The following SEMA4D variants were observed in gnomAD, a reference collection of about 807,000 sequenced individuals.
SEMA4D encodes semaphorin-4D.
SEMA4D carries 22 observed loss-of-function variants against 74.8 expected under a neutral mutation model. That is an observed-to-expected ratio of 0.29 (90% CI 0.21 to 0.42). The LOEUF is 0.42. SEMA4D is among the 10% of genes least tolerant of loss of function. The pLI is 1.00. For synonymous variants in SEMA4D, 445 were observed against 463.7 expected, an observed-to-expected ratio of 0.96 and a Z score of 0.52; for missense variants, 937 against 1,118.4, an observed-to-expected ratio of 0.84 and a Z score of 2.31.
chr9:89,479,162 G>T (rs1862536995), intron 1 of SEMA4D, among the ~76,000 whole-genome samples: 1 of 152,130 alleles, frequency 6.6e-6, no homozygotes, highest in African/African-American at 2.4e-5. Context: ...GGCATCACAG[G>T]GCTCCCAGAG....
At chr9:89,475,120 A>T (rs540650910) in intron 1 of SEMA4D, among the ~76,000 whole-genome samples, 3 of 152,324 alleles carry the variant, frequency 2.0e-5, no homozygotes, top group African/African-American at 7.2e-5. Context: ...GAACCTGCAG[A>T]ACCTGCAGCT....
intron 2 of SEMA4D, among the ~76,000 whole-genome samples, chr9:89,454,522 C>T (rs906956703): frequency 2.0e-5 from 3 of 152,206 alleles, no homozygotes; most frequent in African/African-American, 7.2e-5. Flanking sequence ...AACAGAGCAG[C>T]TTCTTCTGAT....
intron 1 of SEMA4D, among the ~76,000 whole-genome samples, chr9:89,486,878 A>G (rs138385825): frequency 1.6e-4 from 25 of 152,260 alleles, no homozygotes; most frequent in Admixed American, 1.5e-3. Context: ...TGATTGTACC[A>G]CTGCACTCCA....
At chr9:89,491,718 C>A (rs960679894) in intron 1 of SEMA4D, among the ~76,000 whole-genome samples, 3 of 152,178 alleles carry the variant, frequency 2.0e-5, no homozygotes, top group African/African-American at 7.2e-5. Context: ...ATTCCTCCAG[C>A]GTTCAGTCCA....
At chr9:89,452,946 T>C (rs897374504) in intron 2 of SEMA4D, among the ~76,000 whole-genome samples, 20 of 152,298 alleles carry the variant, frequency 1.3e-4, no homozygotes, top group African/African-American at 4.3e-4. Context: ...TCTTGGGTGT[T>C]TTCCAGGTAA....
intron 1 of SEMA4D, among the ~76,000 whole-genome samples, chr9:89,467,436 C>G (rs755318498): frequency 6.0e-5 from 9 of 150,134 alleles, no homozygotes; most frequent in Non-Finnish European, 1.2e-4. Context: ...TGATTTCATT[C>G]TCCTCCTTTG....
At chr9:89,423,976 C>A (rs559851329) in intron 2 of SEMA4D, among the ~76,000 whole-genome samples, 17 of 145,402 alleles carry the variant, frequency 1.2e-4, no homozygotes, top group Non-Finnish European at 2.4e-4. Flanking sequence ...GCACCTCCAC[C>A]CCCTCAGCTA....
intron 2 of SEMA4D, among the ~76,000 whole-genome samples, chr9:89,442,189 G>A (rs1419095935): frequency 1.4e-5 from 2 of 139,448 alleles, no homozygotes; most frequent in Admixed American, 7.0e-5. Flanking sequence ...TTGCTGCGCC[G>A]TACGGCCCAG....
chr9:89,371,918 G>GTC (rs1834985532), intron 16 of SEMA4D, among the ~76,000 whole-genome samples: 1 of 103,830 alleles, frequency 9.6e-6, no homozygotes. Context: ...TGTGGTGTGT[G>GTC]GGGTGTGGTG....
chr9:89,482,042 G>A (rs764763553), intron 1 of SEMA4D, among the ~76,000 whole-genome samples: 1 of 152,252 alleles, frequency 6.6e-6, no homozygotes, highest in Non-Finnish European at 1.5e-5. Context: ...GGCAGGGAGA[G>A]GGGTCACCGC....
exon 19 of SEMA4D, chr9:89,361,546 CT>C (rs1832766295): frequency 6.6e-6 from 1 of 152,182 alleles, no homozygotes; most frequent in Non-Finnish European, 1.5e-5. Context: ...AGAGATACAG[CT>C]TTAATAATTA....
At chr9:89,451,494 C>T (rs1441169714) in intron 2 of SEMA4D, among the ~76,000 whole-genome samples, 1 of 152,204 alleles carries the variant, frequency 6.6e-6, no homozygotes, top group Non-Finnish European at 1.5e-5. Context: ...GAGCTGGAAG[C>T]TCAACTGGAT....
At chr9:89,362,790 C>G (rs1832898348) in intron 18 of SEMA4D, among the ~76,000 whole-genome samples, 1 of 152,066 alleles carries the variant, frequency 6.6e-6, no homozygotes, top group South Asian at 2.1e-4. Flanking sequence ...CTTTAATGCA[C>G]TCATTTGAGT....
At chr9:89,373,380 G>A (rs1345119853), downstream of SEMA4D, among the ~76,000 whole-genome samples, 1 of 152,166 alleles carries the variant, frequency 6.6e-6, no homozygotes, top group African/African-American at 2.4e-5. Context: ...CCAAGTGTTG[G>A]GGCAGGTGGG....
At chr9:89,474,396 T>C (rs1368344670) in intron 1 of SEMA4D, among the ~76,000 whole-genome samples, 1 of 152,152 alleles carries the variant, frequency 6.6e-6, no homozygotes, top group African/African-American at 2.4e-5. Context: ...ACAAATAAAA[T>C]ATAAACAGAT....
downstream of SEMA4D, chr9:89,376,689 C>A: frequency 1.6e-6 from 2 of 1,221,894 alleles, no homozygotes; most frequent in Non-Finnish European, 2.2e-6. Flanking sequence ...AAGCGTGAAA[C>A]GGCTCAACCC....
Position 89,378,982 on chromosome 9 carries a change from G to A in SEMA4D, c.2311C>T (p.Leu771=), listed in dbSNP as rs1836352619. ...TTGGGCTTCTTCTTCCCAATTAGTA[G>A]GGCCGAGCGGAATTTCAAGCACTGT... The part of the protein sequence containing the change: ...PRQCLKFRSA[L]LIGKKKPKSD... Residue 771 remains leucine (L), a synonymous_variant, in exon 16 of 16, where the codon CTA becomes TTA. Transcript: ENST00000422704. 4 of 1,613,776 alleles carry A rather than the reference G, an allele frequency of 2.5e-6. No homozygotes were observed. The highest frequency in any genetic ancestry group is 3.4e-6 in the Non-Finnish European group (4 of 1,179,826).
chr9:89,489,933 C>T (rs1472690744), intron 1 of SEMA4D, among the ~76,000 whole-genome samples: 1 of 152,138 alleles, frequency 6.6e-6, no homozygotes, highest in Non-Finnish European at 1.5e-5. Flanking sequence ...AAACTTTTTT[C>T]CAAAACAGCT....
Position 89,379,241 on chromosome 9 carries a change from G to C in SEMA4D, c.2052C>G (p.Thr684=). The C allele has an allele frequency of 6.2e-7, 1 of 1,614,076 alleles. No individual in the cohort carries two copies. The highest frequency in any genetic ancestry group is 8.5e-7 in the Non-Finnish European group (1 of 1,179,986). Residue 684 remains threonine, a synonymous_variant, in exon 16 of 16, where the codon ACC becomes ACG. Coordinates refer to ENST00000422704, the MANE Select transcript of SEMA4D (RefSeq NM_001371194.2). ...CGGAGGAGGTGGCCTGCACGGCTGG[G>C]GTTGGGGGAGAAGACCCTTGGGTGG... is the stretch of plus-strand genomic sequence containing the variant. The part of the protein sequence containing the change: ...VASTQGSSPP[T]PAVQATSSGA...
Sources: allele counts gnomAD v4.1 joint callset (sites outside exome capture counted in the v4.1 genomes callset), GRCh38; gene constraint gnomAD v4.1.1; transcripts MANE v1.5; gene names NCBI Gene and HGNC (gene_info 2026-07-23, HGNC 2026-07-21).